Variants in MBOAT2 observed in about 807,000 individuals in gnomAD.
MBOAT2 encodes the protein membrane-bound glycerophospholipid O-acyltransferase 2.
In MBOAT2, 28 loss-of-function variants were observed where a neutral mutation model predicts 63.4. The observed-to-expected ratio is 0.44, with a 90% CI of 0.33 to 0.61. MBOAT2 has a LOEUF of 0.61. Among genes scored for constraint, MBOAT2 ranks in the 20% least tolerant of loss-of-function variants. MBOAT2 has a pLI of 0.03. For missense variants in MBOAT2, 470 were observed against 605.8 expected (o/e 0.78, Z 2.35); for synonymous variants, 211 against 215.6 (o/e 0.98, Z 0.19).
At position 8,995,653 on chromosome 2, in the gene MBOAT2, C is replaced by G. The variant is rs549405468; in HGVS notation, c.75+7887G>C. ...TCACCCAGGCTGGAGTGTAGTGGCA[C>G]GATCTTGGCTCACTGCAAGCTCTGC... On this transcript the variant is annotated intron_variant, in intron 1 of 12. Coordinates refer to ENST00000305997, the MANE Select transcript of MBOAT2 (RefSeq NM_138799.4). 3.6e-4 allele frequency among the ~76,000 whole-genome samples: 54 copies of G among 147,956 alleles called. No individual in the cohort carries two copies. In the South Asian group the frequency reaches 0.011, roughly 29 times the overall value.
At chr2:8,947,503 G>A (rs1558645673) in intron 2 of MBOAT2, among the ~76,000 whole-genome samples, 1 of 152,166 alleles carries the variant, frequency 6.6e-6, no homozygotes, top group Admixed American at 6.5e-5. Context: ...CATAGCTAGA[G>A]AGGAGAAGTC....
intron 1 of MBOAT2, among the ~76,000 whole-genome samples, chr2:8,967,800 A>C (rs1670106939): frequency 6.6e-6 from 1 of 152,180 alleles, no homozygotes; most frequent in Non-Finnish European, 1.5e-5. Context: ...GTATAACACA[A>C]ACTTTGGAAA....
intron 1 of MBOAT2, 77 bp from the exon 2 acceptor site, chr2:8,958,719 G>A: frequency 1.5e-6 from 2 of 1,329,178 alleles, no homozygotes; most frequent in Non-Finnish European, 1.0e-6. Context: ...GAAATTCTCA[G>A]GACAAAAACA....
At chr2:8,930,453 C>T (rs1368256452) in intron 3 of MBOAT2, among the ~76,000 whole-genome samples, 1 of 152,056 alleles carries the variant, frequency 6.6e-6, no homozygotes, top group Non-Finnish European at 1.5e-5. Context: ...TGTATATGTG[C>T]CACATTTTCT....
chr2:8,909,872 G>A (rs1489013166), intron 3 of MBOAT2, among the ~76,000 whole-genome samples: 1 of 152,134 alleles, frequency 6.6e-6, no homozygotes, highest in Non-Finnish European at 1.5e-5. Context: ...TTCCAAAGAT[G>A]CCCAAAACAG....
At chr2:8,868,648 C>T (rs1417299430) in intron 8 of MBOAT2, 99 bp from the exon 9 acceptor site, 13 of 922,054 alleles carry the variant, frequency 1.4e-5, no homozygotes, top group Non-Finnish European at 2.0e-5. Context: ...TATTCTTAAA[C>T]AGTAAAAGTA....
rs926971215 is a variant in MBOAT2 at position 8,856,678 on chromosome 2, C to T, written c.*2001G>A. 1.3e-5 allele frequency: 2 copies of T among 152,144 alleles called. No individual in the cohort carries two copies. Among genetic ancestry groups the T allele is most frequent in the Non-Finnish European group, 2.9e-5 (2 of 68,078 alleles). 9.4% of individuals were successfully genotyped at this position (152,144 alleles called of 1,614,324 possible). A position where few individuals can be genotyped will look rare whatever the true frequency, so the allele number is the denominator to read the frequency against. On this transcript the variant is annotated 3_prime_UTR_variant, in exon 13 of 13. Transcript: ENST00000305997. This position sits in a 1 kb window ranked among gnomAD's most constrained non-coding sequence, Gnocchi z 4.2. The stretch of plus-strand genomic sequence containing the variant: ...CAAGCAATTCTCCTGCCTCAGCCTC[C>T]CAAGTAGCTGGGATTACAGGTGTGC...
chr2:8,985,305 G>A (rs566978740), intron 1 of MBOAT2, among the ~76,000 whole-genome samples: 3 of 152,092 alleles, frequency 2.0e-5, no homozygotes, highest in South Asian at 4.1e-4. Flanking sequence ...TTCATCATTC[G>A]AATCAAATTA....
intron 8 of MBOAT2, among the ~76,000 whole-genome samples, chr2:8,869,041 T>C (rs1662114591): frequency 6.6e-6 from 1 of 152,132 alleles, no homozygotes; most frequent in Non-Finnish European, 1.5e-5. Flanking sequence ...ACTCTGTGTA[T>C]ATGTCTCTAG....
intron 4 of MBOAT2, among the ~76,000 whole-genome samples, chr2:8,898,710 C>T (rs1408090936): frequency 1.3e-5 from 2 of 152,188 alleles, no homozygotes; most frequent in African/African-American, 4.8e-5. Context: ...GGGGCAAGAC[C>T]GTCCACGTAA....
chr2:8,943,733 A>G (rs1471699036), intron 2 of MBOAT2, among the ~76,000 whole-genome samples: 3 of 152,262 alleles, frequency 2.0e-5, no homozygotes, highest in Non-Finnish European at 4.4e-5. Context: ...GCTAAATATT[A>G]GAATTTACAA....
chr2:8,982,392 A>G (rs1671257632), intron 1 of MBOAT2, among the ~76,000 whole-genome samples: 1 of 152,178 alleles, frequency 6.6e-6, no homozygotes, highest in South Asian at 2.1e-4. Flanking sequence ...AACAGCCAGA[A>G]CCAAAAATGC....
intron 1 of MBOAT2, among the ~76,000 whole-genome samples, chr2:8,982,086 CAGAT>C (rs1671233316): frequency 6.6e-6 from 1 of 152,126 alleles, no homozygotes; most frequent in African/African-American, 2.4e-5. Flanking sequence ...GGTTTCCTCT[CAGAT>C]AGGCTGCTGT....
intron 1 of MBOAT2, among the ~76,000 whole-genome samples, chr2:8,965,646 A>C (rs934355665): frequency 6.6e-6 from 1 of 152,130 alleles, no homozygotes; most frequent in Non-Finnish European, 1.5e-5. Flanking sequence ...ATATGCTTTA[A>C]ATTTCCTCCC....
At chr2:8,886,833 G>A (rs918507525) in intron 5 of MBOAT2, among the ~76,000 whole-genome samples, 5 of 152,136 alleles carry the variant, frequency 3.3e-5, no homozygotes, top group African/African-American at 1.2e-4. Flanking sequence ...TCTGTTACCA[G>A]CATACTACAG....
At position 9,003,563 on chromosome 2, in the gene MBOAT2, C is replaced by T. The variant is rs1573305700; in HGVS notation, c.52G>A (p.Ala18Thr). 2.0e-5 allele frequency: 25 copies of T among 1,230,942 alleles called. No individual in the cohort carries two copies. The highest frequency in any genetic ancestry group is 2.4e-5 in the Non-Finnish European group (24 of 980,800). 76.3% of individuals were successfully genotyped at this position (1,230,942 alleles called of 1,614,324 possible). ...GSTLLQPLSN[A>T]VQLPIDQVNF... ...ACCTGGTCGATGGGCAGCTGCACGG[C>T]GTTGCTGAGGGGCTGCAGCAGGGTG... The change falls in exon 1 of 13, where the codon GCC becomes ACC. Residue 18 changes from alanine to threonine, a missense_variant. Coordinates refer to ENST00000305997, the MANE Select transcript of MBOAT2 (RefSeq NM_138799.4). This position sits in a 1 kb window ranked among gnomAD's most constrained non-coding sequence, Gnocchi z 5.4.
chr2:8,970,111 T>G (rs988828567), intron 1 of MBOAT2, among the ~76,000 whole-genome samples: 2 of 152,192 alleles, frequency 1.3e-5, no homozygotes, highest in East Asian at 1.9e-4. Context: ...ATTGACCACA[T>G]AGTTGGAAGT....
At chr2:8,920,427 T>C (rs1219794133) in intron 3 of MBOAT2, among the ~76,000 whole-genome samples, 1 of 152,216 alleles carries the variant, frequency 6.6e-6, no homozygotes, top group Non-Finnish European at 1.5e-5. Context: ...AGTGTCTTGA[T>C]CACAGTAGCA....
chr2:8,936,752 C>T (rs1274846076), intron 3 of MBOAT2, among the ~76,000 whole-genome samples: 1 of 129,626 alleles, frequency 7.7e-6, no homozygotes, highest in Non-Finnish European at 1.5e-5. Flanking sequence ...TGTGCCACCG[C>T]ACTCAGCCTG....
Sources: allele counts gnomAD v4.1 joint callset (sites outside exome capture counted in the v4.1 genomes callset), GRCh38; gene constraint gnomAD v4.1.1; non-coding constraint Gnocchi (gnomAD v3.1); transcripts MANE v1.5; gene names NCBI Gene and HGNC (gene_info 2026-07-23, HGNC 2026-07-21).